The following PAPPA2 variants were observed in gnomAD, a reference collection of about 807,000 sequenced individuals.
The protein encoded by PAPPA2 is pappalysin 2, also known as pappalysin-2.
PAPPA2 carries 86 observed loss-of-function variants against 176.4 expected under a neutral mutation model. The observed-to-expected ratio is 0.49, with a 90% CI of 0.41 to 0.58. PAPPA2 has a LOEUF of 0.58. Ranked by LOEUF, PAPPA2 falls within the 20% of genes least tolerant of loss-of-function variation. PAPPA2 has a pLI of 0.00. For synonymous variants in PAPPA2, 809 were observed against 852.2 expected, an observed-to-expected ratio of 0.95 and a Z score of 0.88; for missense variants, 2,073 against 2,256.9, an observed-to-expected ratio of 0.92 and a Z score of 1.65.
intron 3 of PAPPA2, among the ~76,000 whole-genome samples, chr1:176,631,389 A>C (rs1656330089): frequency 6.6e-6 from 1 of 152,200 alleles, no homozygotes; most frequent in Admixed American, 6.5e-5. Context: ...GGAGAATGGA[A>C]GGATAAGGAG....
chr1:176,672,259 T>G (rs1659051628), intron 4 of PAPPA2, among the ~76,000 whole-genome samples: 1 of 152,148 alleles, frequency 6.6e-6, no homozygotes, highest in South Asian at 2.1e-4. Context: ...TCTATAAAAA[T>G]TTATTTTAAA....
At chr1:176,525,827 T>TAACAG (rs1308231192) in intron 1 of PAPPA2, among the ~76,000 whole-genome samples, 1 of 152,220 alleles carries the variant, frequency 6.6e-6, no homozygotes, top group Non-Finnish European at 1.5e-5. Context: ...GTTCTTCCAC[T>TAACAG]AACAGTGTAT....
At chr1:176,566,417 T>C (rs1174652696) in intron 2 of PAPPA2, among the ~76,000 whole-genome samples, 1 of 152,202 alleles carries the variant, frequency 6.6e-6, no homozygotes, top group East Asian at 1.9e-4. Flanking sequence ...AATTTTCATT[T>C]ACTGTAAAAG....
chr1:176,594,223 A>G (rs1468101887), intron 2 of PAPPA2, among the ~76,000 whole-genome samples: 1 of 152,256 alleles, frequency 6.6e-6, no homozygotes, highest in Non-Finnish European at 1.5e-5. Context: ...ATGGAGTGCT[A>G]GAGGATTCTT....
intron 3 of PAPPA2, among the ~76,000 whole-genome samples, chr1:176,662,697 C>T (rs1658425419): frequency 6.6e-6 from 1 of 151,518 alleles, no homozygotes; most frequent in South Asian, 2.1e-4. Context: ...TGCTTTATAT[C>T]TTCTTTCTGT....
chr1:176,809,503 T>C (rs1044232878), intron 21 of PAPPA2, among the ~76,000 whole-genome samples: 2 of 152,202 alleles, frequency 1.3e-5, no homozygotes, highest in Non-Finnish European at 2.9e-5. Flanking sequence ...CTCCCTTTTA[T>C]TATTTATATT....
intron 4 of PAPPA2, among the ~76,000 whole-genome samples, chr1:176,677,134 A>G (rs1409341849): frequency 6.6e-6 from 1 of 152,190 alleles, no homozygotes; most frequent in East Asian, 1.9e-4. Flanking sequence ...CTGATTAAAC[A>G]AAGGAACTGT....
In PAPPA2 at chr1:176,557,171, C is replaced by A; in HGVS notation, c.849C>A (p.Pro283=). 1 of 1,613,454 alleles carries A rather than the reference C, an allele frequency of 6.2e-7. No individual in the cohort carries two copies. The highest frequency in any genetic ancestry group is 2.2e-5 in the East Asian group (1 of 44,796). Residue 283 remains proline, a synonymous_variant, in exon 2 of 23, where the codon CCC becomes CCA. Coordinates refer to ENST00000367662, the MANE Select transcript of PAPPA2 (RefSeq NM_020318.3). ...LLRPEVLAEI[P]REAFTVEAWV... Reference sequence around the variant, plus strand: ...GTCCAGAAGTGCTGGCTGAGATTCCCCGGGAGGCGTTCACAGTGGAAGCCT... The same window carrying A: ...GTCCAGAAGTGCTGGCTGAGATTCCACGGGAGGCGTTCACAGTGGAAGCCT...
chr1:176,500,987 A>C (rs1330250484), intron 1 of PAPPA2, among the ~76,000 whole-genome samples: 2 of 151,654 alleles, frequency 1.3e-5, no homozygotes, highest in Non-Finnish European at 2.9e-5. Flanking sequence ...TGTCAACCTT[A>C]CTAGTTTCCA....
At chr1:176,668,123 A>T (rs1361251316) in intron 3 of PAPPA2, among the ~76,000 whole-genome samples, 1 of 152,192 alleles carries the variant, frequency 6.6e-6, no homozygotes, top group Non-Finnish European at 1.5e-5. Context: ...GGGGCATGTC[A>T]GAACTAACAA....
At chr1:176,610,344 TGG>T (rs35317617) in intron 3 of PAPPA2, among the ~76,000 whole-genome samples, 3,586 of 140,578 alleles carry the variant, frequency 0.026, 87 homozygotes, top group South Asian at 0.13. Flanking sequence ...AAGTTGTGTG[TGG>T]GGGGGGGGAG....
intron 11 of PAPPA2, among the ~76,000 whole-genome samples, chr1:176,710,876 G>A (rs1661110477): frequency 6.6e-6 from 1 of 152,078 alleles, no homozygotes; most frequent in South Asian, 2.1e-4. Context: ...ATTTCATCAA[G>A]GACCCAGGGT....
intron 1 of PAPPA2, among the ~76,000 whole-genome samples, chr1:176,555,036 C>T (rs564058675): frequency 2.0e-5 from 3 of 150,752 alleles, no homozygotes; most frequent in South Asian, 2.1e-4. Flanking sequence ...AGAATACACA[C>T]AGAGAAGAGT....
At chr1:176,641,566 A>G (rs1172070712) in intron 3 of PAPPA2, among the ~76,000 whole-genome samples, 3 of 151,858 alleles carry the variant, frequency 2.0e-5, no homozygotes, top group Admixed American at 1.3e-4. Context: ...TTTTGGTACC[A>G]GTACCATGCT....
chr1:176,671,032 A>G lies in PAPPA2; in HGVS notation c.2054A>G (p.Asn685Ser), dbSNP rs1054946955. ...ALQLNSTHFL[N>S]IYFASSVRED... is the part of the protein sequence containing the mutation. ...CAGCTGAACAGTACTCACTTCCTCA[A>G]CATCTACTTTGCCAGCTCAGTGCGG... Residue 685 changes from asparagine to serine, a missense_variant, in exon 4 of 23, where the codon AAC becomes AGC. Physicochemically the swap from Asn to Ser is conservative, Grantham distance 46. This residue lies in a region of PAPPA2 where 1,196 missense variants were observed against 1,330.4 expected (regional missense o/e 0.90). Coordinates refer to ENST00000367662, the MANE Select transcript of PAPPA2 (RefSeq NM_020318.3). 1.2e-5 allele frequency: 20 copies of G among 1,613,910 alleles called. No individual in the cohort carries two copies. Among genetic ancestry groups the G allele is most frequent in the African/African-American group, 6.7e-5 (5 of 74,912 alleles).
intron 1 of PAPPA2, among the ~76,000 whole-genome samples, chr1:176,528,192 G>A (rs527354789): frequency 2.4e-4 from 37 of 152,202 alleles, no homozygotes; most frequent in African/African-American, 8.9e-4. Context: ...TGAGGGCTCC[G>A]ACATTAAGAA....
Position 176,595,105 on chromosome 1 carries a change from C to T in PAPPA2, c.1501C>T (p.Gln501Ter). The change falls in exon 3 of 23, where the codon CAA (glutamine) becomes TAA (stop). Residue 501 changes from glutamine (Q) to a stop codon, truncating the protein, a stop_gained. Transcript: ENST00000367662. LOFTEE classifies it high-confidence loss of function. ...GCCTTTGCAGCCCCCACTCTGTGGG[C>T]AAACAGTCTGTGACAATGTGGAATT... is the stretch of plus-strand genomic sequence containing the variant. Reference protein sequence around the residue: ...LSPLQPPLCGQTVCDNVELIS... With the variant: ...LSPLQPPLCG The T allele has an allele frequency of 6.2e-7, 1 of 1,614,146 alleles. No individual in the cohort carries two copies. The highest frequency in any genetic ancestry group is 8.5e-7 in the Non-Finnish European group (1 of 1,180,018).
At chr1:176,837,712 T>C (rs949542279) in intron 21 of PAPPA2, among the ~76,000 whole-genome samples, 2 of 152,134 alleles carry the variant, frequency 1.3e-5, no homozygotes, top group Admixed American at 6.6e-5. Flanking sequence ...CAGTACCTTT[T>C]CTTGGAAAAG....
chr1:176,542,844 G>T (rs1362746247), intron 1 of PAPPA2, among the ~76,000 whole-genome samples: 1 of 152,208 alleles, frequency 6.6e-6, no homozygotes, highest in Admixed American at 6.5e-5. Context: ...GTTTTGAAAT[G>T]ATATTTACAC....
Sources: gnomAD v4.1 joint callset for allele counts (sites outside exome capture counted in the v4.1 genomes callset) on GRCh38, gnomAD v4.1.1 for gene constraint, gnomAD v4.1.1 regional missense constraint, MANE v1.5 for transcripts, NCBI Gene and HGNC (gene_info 2026-07-23, HGNC 2026-07-21) for gene names.